LRRC4: variants seen among roughly 807,000 people sequenced by gnomAD.
LRRC4 encodes leucine rich repeat containing 4.
Under a neutral mutation model 37.9 loss-of-function variants are expected in LRRC4, and 11 were observed. That is an observed-to-expected ratio of 0.29 (90% CI 0.18 to 0.48). The LOEUF (loss-of-function observed/expected upper bound fraction) is 0.48. Ranked by LOEUF, LRRC4 falls within the 20% of genes least tolerant of loss-of-function variation. The pLI, the probability that LRRC4 is intolerant of heterozygous loss-of-function variation, is 0.99. For missense variants in LRRC4, 717 were observed against 842.1 expected (o/e 0.85, Z 1.84); for synonymous variants, 404 against 346.7 (o/e 1.17, Z -1.84).
chr7:128,028,472 C>A lies in LRRC4; in HGVS notation c.*207G>T. ...CCACAACGTTCCCAAGATTCCCCCC[C>A]ACCCCCTTTAAATAGAACTTACAAG... is the stretch of plus-strand genomic sequence containing the variant. On this transcript the variant is annotated 3_prime_UTR_variant, in exon 2 of 2. Transcript: ENST00000249363. 1.9e-6 allele frequency: 1 copy of A among 515,866 alleles called. No individual in the cohort carries two copies. Among genetic ancestry groups the A allele is most frequent in the East Asian group, 3.4e-5 (1 of 29,776 alleles). 32.0% of individuals were successfully genotyped at this position (515,866 alleles called of 1,614,324 possible).
At position 128,030,569 on chromosome 7, in the gene LRRC4, G is replaced by C; in HGVS notation, c.72C>G (p.Leu24=). 1 of 1,609,984 alleles carries C rather than the reference G, an allele frequency of 6.2e-7. No individual in the cohort carries two copies. The highest frequency in any genetic ancestry group is 1.1e-5 in the South Asian group (1 of 90,700). The change falls in exon 2 of 2, where the codon CTC becomes CTG. Residue 24 remains leucine, a synonymous_variant. Transcript: ENST00000249363. ...CACACAGAATCCACACTTGCGCCGT[G>C]AGGTAGACGAACGGGAGCAGGATGG... ...WNAILLPFVY[L]TAQVWILCAA...
chr7:128,028,848 A>C lies in LRRC4; in HGVS notation c.1793T>G (p.Leu598Arg), dbSNP rs756127788. The C allele has an allele frequency of 1.7e-5, 27 of 1,614,224 alleles. No individual in the cohort carries two copies. The highest frequency in any genetic ancestry group is 2.3e-5 in the Non-Finnish European group (27 of 1,180,048). The change falls in exon 2 of 2, where the codon CTG becomes CGG. Residue 598 changes from leucine to arginine, a missense_variant. By Grantham distance (102) the Leu-to-Arg change is moderately radical. Around this residue, in one of 5 missense-constraint regions of LRRC4, gnomAD observed 140 missense variants for 137.2 expected, o/e 1.02. Transcript: ENST00000249363. Reference protein sequence around the residue: ...SGVSGEGAVVLPTIHDHINYN... With the variant: ...SGVSGEGAVVRPTIHDHINYN... ...GTTAATATGGTCATGAATTGTGGGC[A>C]GCACTACTGCCCCCTCACCTGATAC... is the stretch of plus-strand genomic sequence containing the variant.
At position 128,031,270 on chromosome 7, in the gene LRRC4, G is replaced by T. The variant is rs1477533397; in HGVS notation, c.-458C>A. 6.6e-6 allele frequency among the ~76,000 whole-genome samples: 1 copy of T among 150,526 alleles called. No homozygotes were observed. Among genetic ancestry groups the T allele is most frequent in the Non-Finnish European group, 1.5e-5 (1 of 67,594 alleles). ...GCACCGGCTCGCTCCAGCCGCGGGGGAAGGCGCTTCATCGCCAAAGTGCGC... is the reference window on the plus strand; with the variant it reads ...GCACCGGCTCGCTCCAGCCGCGGGGTAAGGCGCTTCATCGCCAAAGTGCGC... On this transcript the variant is annotated 5_prime_UTR_variant, in exon 1 of 2. Coordinates refer to ENST00000249363, the MANE Select transcript of LRRC4 (RefSeq NM_022143.5).
In LRRC4 at chr7:128,030,501, G is replaced by A. The variant is rs767665509; in HGVS notation, c.140C>T (p.Pro47Leu). The A allele has an allele frequency of 1.2e-6, 2 of 1,613,474 alleles. No homozygotes were observed. Among genetic ancestry groups the A allele is most frequent in the Non-Finnish European group, 8.5e-7 (1 of 1,179,940 alleles). ...AAASAGPQNCPSVCSCSNQFS... is the reference protein window; with the variant it reads ...AAASAGPQNCLSVCSCSNQFS... ...CTGGTTACTGCACGAGCAGACGGAG[G>A]GGCAGTTCTGGGGCCCGGCTGAGGC... Residue 47 changes from proline (P) to leucine (L), a missense_variant, in exon 2 of 2, where the codon CCC becomes CTC. Physicochemically the swap from Pro to Leu is moderately conservative, Grantham distance 98. Transcript: ENST00000249363.
chr7:128,030,759 A>AG lies in LRRC4; in HGVS notation c.-100-20dup, dbSNP rs1296943839. 1.5e-6 allele frequency: 2 copies of AG among 1,302,390 alleles called. No individual in the cohort carries two copies. The highest frequency in any genetic ancestry group is 1.5e-5 in the African/African-American group (1 of 66,982). The allele number at this position is 1,302,390 out of a possible 1,614,324, so 80.7% of individuals were successfully genotyped here. A position where few individuals can be genotyped will look rare whatever the true frequency, so the allele number is the denominator to read the frequency against. ...TTTCCATCTGGAGAAGGAGGTGGGG[A>AG]GGGGGCGATTAGAGAGACGGAGCGG... On this transcript the variant is annotated intron_variant, in intron 1 of 1. Coordinates refer to ENST00000249363, the MANE Select transcript of LRRC4 (RefSeq NM_022143.5).
Position 128,030,759 on chromosome 7 carries a change from AG to A in LRRC4, c.-100-20del. ...TTTCCATCTGGAGAAGGAGGTGGGG[AG>A]GGGGCGATTAGAGAGACGGAGCGGA... On this transcript the variant is annotated intron_variant, in intron 1 of 1. Coordinates refer to ENST00000249363, the MANE Select transcript of LRRC4 (RefSeq NM_022143.5). The A allele has an allele frequency of 7.7e-7, 1 of 1,302,508 alleles. No homozygotes were observed. Among genetic ancestry groups the A allele is most frequent in the South Asian group, 1.5e-5 (1 of 66,062 alleles). The allele number at this position is 1,302,508 out of a possible 1,614,324, so 80.7% of individuals were successfully genotyped here.
chr7:128,030,116 G>A lies in LRRC4; in HGVS notation c.525C>T (p.Arg175=). 1 of 1,614,074 alleles carries A rather than the reference G, an allele frequency of 6.2e-7. No homozygotes were observed. Among genetic ancestry groups the A allele is most frequent in the Non-Finnish European group, 8.5e-7 (1 of 1,180,044 alleles). ...YAFNRVPSLM[R]LDLGELKKLE... The stretch of plus-strand genomic sequence containing the variant: ...GCTTCTTGAGCTCCCCCAAGTCCAG[G>A]CGCATGAGGGAGGGCACCCGGTTGA... The change falls in exon 2 of 2, where the codon CGC becomes CGT. Residue 175 remains arginine, a synonymous_variant. Coordinates refer to ENST00000249363, the MANE Select transcript of LRRC4 (RefSeq NM_022143.5).
upstream of LRRC4, chr7:128,031,752 C>A (rs975411058): frequency 1.4e-5 from 2 of 145,400 alleles, no homozygotes; most frequent in African/African-American, 4.9e-5. Flanking sequence ...GCGGCGGCCG[C>A]AGCCCCCGGC....
chr7:128,028,591 C>G lies in LRRC4; in HGVS notation c.*88G>C. 2 of 1,250,230 alleles carry G rather than the reference C, an allele frequency of 1.6e-6. No homozygotes were observed. The highest frequency in any genetic ancestry group is 2.2e-6 in the Non-Finnish European group (2 of 894,876). 77.4% of individuals were successfully genotyped at this position (1,250,230 alleles called of 1,614,324 possible). ...CATAGACTTAATATATAAGCATATA[C>G]AAGAAAAAGTCTCTCCCCACTCTGT... On this transcript the variant is annotated 3_prime_UTR_variant, in exon 2 of 2. Transcript: ENST00000249363.
Position 128,030,303 on chromosome 7 carries a change from T to C in LRRC4, c.338A>G (p.Gln113Arg), listed in dbSNP as rs1792544135. Residue 113 changes from glutamine to arginine, a missense_variant, in exon 2 of 2, where the codon CAG (glutamine) becomes CGG (arginine). Physicochemically the swap from Gln to Arg is conservative, Grantham distance 43. Transcript: ENST00000249363. Reference protein sequence around the residue: ...VLQLGRNSIRQIEVGAFNGLA... With the variant: ...VLQLGRNSIRRIEVGAFNGLA... ...GCCGTTGAAGGCCCCCACCTCAATCTGCCGGATGGAGTTCCTGCCCAACTG... is the reference window on the plus strand; with the variant it reads ...GCCGTTGAAGGCCCCCACCTCAATCCGCCGGATGGAGTTCCTGCCCAACTG... The C allele has an allele frequency of 6.2e-7, 1 of 1,614,162 alleles. No individual in the cohort carries two copies. Among genetic ancestry groups the C allele is most frequent in the Non-Finnish European group, 8.5e-7 (1 of 1,180,020 alleles).
Position 128,029,509 on chromosome 7 carries a change from G to C in LRRC4, c.1132C>G (p.Pro378Ala), listed in dbSNP as rs556055955. 1 of 1,614,104 alleles carries C rather than the reference G, an allele frequency of 6.2e-7. No individual in the cohort carries two copies. Among genetic ancestry groups the C allele is most frequent in the Admixed American group, 1.7e-5 (1 of 60,026 alleles). The change falls in exon 2 of 2, where the codon CCT becomes GCT. Residue 378 changes from proline to alanine, a missense_variant. This residue lies in a region of LRRC4 where 293 missense variants were observed against 268.3 expected (regional missense o/e 1.09). Coordinates refer to ENST00000249363, the MANE Select transcript of LRRC4 (RefSeq NM_022143.5). This position sits in a 1 kb window ranked among gnomAD's most constrained non-coding sequence, Gnocchi z 4.2. ...RMAELKCRTP[P>A]MSSVKWLLPN... ...AGCAACCACTTCACGGAGGACATAG[G>C]GGGAGTCCGACACTTAAGTTCTGCC...
chr7:128,028,964 T>A lies in LRRC4; in HGVS notation c.1677A>T (p.Thr559=), dbSNP rs150309965. The change falls in exon 2 of 2, where the codon ACA becomes ACT. Residue 559 remains threonine, a synonymous_variant. Coordinates refer to ENST00000249363, the MANE Select transcript of LRRC4 (RefSeq NM_022143.5). ...KLRKRHQQRS[T]VTAARTVEII... The stretch of plus-strand genomic sequence containing the variant: ...TCTCAACAGTCCGGGCGGCTGTGAC[T>A]GTACTCCGCTGCTGGTGCCGCTTAC... 1.2e-6 allele frequency: 2 copies of A among 1,608,770 alleles called. No individual in the cohort carries two copies. The highest frequency in any genetic ancestry group is 2.2e-5 in the South Asian group (2 of 90,414).
In LRRC4 at chr7:128,029,052, A is replaced by G. The variant is rs761501656; in HGVS notation, c.1589T>C (p.Ile530Thr). The G allele has an allele frequency of 4.3e-6, 7 of 1,613,996 alleles. No individual in the cohort carries two copies. Among genetic ancestry groups the G allele is most frequent in the Non-Finnish European group, 5.9e-6 (7 of 1,180,028 alleles). Residue 530 changes from isoleucine to threonine, a missense_variant, in exon 2 of 2, where the codon ATT (isoleucine) becomes ACT (threonine). By Grantham distance (89) the Ile-to-Thr change is moderately conservative. Transcript: ENST00000249363. This position sits in a 1 kb window ranked among gnomAD's most constrained non-coding sequence, Gnocchi z 4.2. ...DEVMKTTKII[I>T]GCFVAVTLLA... ...CAGAGTCACTGCCACAAAGCAGCCAATGATGATCTTGGTGGTCTTCATGAC... is the reference window on the plus strand; with the variant it reads ...CAGAGTCACTGCCACAAAGCAGCCAGTGATGATCTTGGTGGTCTTCATGAC...
At position 128,030,130 on chromosome 7, in the gene LRRC4, G is replaced by C. The variant is rs1178059645; in HGVS notation, c.511C>G (p.Pro171Ala). 1 of 1,614,060 alleles carries C rather than the reference G, an allele frequency of 6.2e-7. No homozygotes were observed. The highest frequency in any genetic ancestry group is 8.5e-7 in the Non-Finnish European group (1 of 1,180,060). ...CCCAAGTCCAGGCGCATGAGGGAGG[G>C]CACCCGGTTGAAGGCGTAAGAGGGG... is the stretch of plus-strand genomic sequence containing the variant. ...SIPSYAFNRV[P>A]SLMRLDLGEL... The change falls in exon 2 of 2, where the codon CCC becomes GCC. Residue 171 changes from proline (P) to alanine (A), a missense_variant. Coordinates refer to ENST00000249363, the MANE Select transcript of LRRC4 (RefSeq NM_022143.5).
rs1274697390 is a variant in LRRC4, at chr7:128,027,326, G to A, written c.*1353C>T. 1 of 152,204 alleles carries A rather than the reference G, an allele frequency of 6.6e-6. No homozygotes were observed. Among genetic ancestry groups the A allele is most frequent in the Non-Finnish European group, 1.5e-5 (1 of 67,972 alleles). 9.4% of individuals were successfully genotyped at this position (152,204 alleles called of 1,614,324 possible). A position where few individuals can be genotyped will look rare whatever the true frequency, so the allele number is the denominator to read the frequency against. On this transcript the variant is annotated 3_prime_UTR_variant, in exon 2 of 2. Transcript: ENST00000249363. ...CCTTCTCCTGAGGGGGCCTGGGAGA[G>A]GGAAGCTTCCCATCAGTGTGCTCCA...
chr7:128,030,009 A>G lies in LRRC4; in HGVS notation c.632T>C (p.Met211Thr), dbSNP rs1483186712. The G allele has an allele frequency of 7.4e-6, 12 of 1,613,148 alleles. No homozygotes were observed. Among genetic ancestry groups the G allele is most frequent in the Non-Finnish European group, 1.0e-5 (12 of 1,180,018 alleles). ...LNLGMCNIKD[M>T]PNLTPLVGLE... ...CCCCACCAGGGGGGTGAGATTGGGCATGTCTTTAATGTTGCACATGCCCAA... is the reference window on the plus strand; with the variant it reads ...CCCCACCAGGGGGGTGAGATTGGGCGTGTCTTTAATGTTGCACATGCCCAA... Residue 211 changes from methionine to threonine, a missense_variant, in exon 2 of 2, where the codon ATG becomes ACG. By Grantham distance (81) the Met-to-Thr change is moderately conservative. Around this residue, in one of 5 missense-constraint regions of LRRC4, gnomAD observed 138 missense variants for 261.0 expected, o/e 0.53. Coordinates refer to ENST00000249363, the MANE Select transcript of LRRC4 (RefSeq NM_022143.5).
Position 128,028,744 on chromosome 7 carries a change from T to G in LRRC4, c.1897A>C (p.Thr633Pro). Residue 633 changes from threonine to proline, a missense_variant, in exon 2 of 2, where the codon ACT becomes CCT. Thr to Pro is a conservative substitution (Grantham distance 38). Coordinates refer to ENST00000249363, the MANE Select transcript of LRRC4 (RefSeq NM_022143.5). ...TGAATTATATAAGGTTCAGAGATAGTGGTGACTGTGGGGTGCAGAGAGTTC... is the reference window on the plus strand; with the variant it reads ...TGAATTATATAAGGTTCAGAGATAGGGGTGACTGTGGGGTGCAGAGAGTTC... ...LGNSLHPTVT[T>P]ISEPYIIQTH... 1 of 1,614,130 alleles carries G rather than the reference T, an allele frequency of 6.2e-7. No homozygotes were observed. The highest frequency in any genetic ancestry group is 8.5e-7 in the Non-Finnish European group (1 of 1,180,002).
In LRRC4 at chr7:128,029,571, T is replaced by C; in HGVS notation, c.1070A>G (p.Asp357Gly). 1 of 1,613,966 alleles carries C rather than the reference T, an allele frequency of 6.2e-7. No homozygotes were observed. Among genetic ancestry groups the C allele is most frequent in the South Asian group, 1.1e-5 (1 of 91,072 alleles). Residue 357 changes from aspartate to glycine, a missense_variant, in exon 2 of 2, where the codon GAC becomes GGC. Transcript: ENST00000249363. The surrounding 1 kb of genome is among the most constrained non-coding windows in gnomAD (Gnocchi z 4.2). ...SFQCSAPFIM[D>G]APRDLNISEG... ...AGAAATGTTGAGGTCTCGAGGTGCG[T>C]CCATGATGAAGGGGGCAGAGCACTG...
rs745454908 is a variant in LRRC4, at chr7:128,029,426, G to A, written c.1215C>T (p.Asn405=). 35 of 1,614,084 alleles carry A rather than the reference G, an allele frequency of 2.2e-5. No homozygotes were observed. Among genetic ancestry groups the A allele is most frequent in the Middle Eastern group, 1.6e-4 (1 of 6,084 alleles). Residue 405 remains asparagine, a synonymous_variant, in exon 2 of 2, where the codon AAC becomes AAT. Transcript: ENST00000249363. The surrounding 1 kb of genome is among the most constrained non-coding windows in gnomAD (Gnocchi z 4.2). ...ASRHPRISVL[N]DGTLNFSHVL... ...CGTGGGAAAAGTTCAAGGTGCCGTC[G>A]TTGAGGACAGAGATCCTTGGGTGGC...
Sources: gnomAD v4.1 joint callset for allele counts (sites outside exome capture counted in the v4.1 genomes callset) on GRCh38, gnomAD v4.1.1 for gene constraint, gnomAD v4.1.1 regional missense constraint, Gnocchi (gnomAD v3.1) non-coding constraint, MANE v1.5 for transcripts, NCBI Gene and HGNC (gene_info 2026-07-23, HGNC 2026-07-21) for gene names.